The following ABCC9 variants were observed in gnomAD, a reference collection of about 807,000 sequenced individuals.
The protein encoded by ABCC9 is ATP-binding cassette sub-family C member 9.
ABCC9 carries 95 observed loss-of-function variants against 188.3 expected under a neutral mutation model. That is an observed-to-expected ratio of 0.50 (90% confidence interval 0.43 to 0.60). The LOEUF (loss-of-function observed/expected upper bound fraction) is 0.60. Ranked by LOEUF, ABCC9 falls within the 20% of genes least tolerant of loss-of-function variation. The probability of loss-of-function intolerance (pLI) is 0.00; values close to 1 mark genes in which losing one functional copy is unlikely to be tolerated. For missense variants in ABCC9, 1,102 were observed against 1,876.3 expected (o/e 0.59, Z 7.62); for synonymous variants, 659 against 652.7 (o/e 1.01, Z -0.15).
rs1376614454 is a variant in ABCC9 at position 21,807,522 on chromosome 12, A to G, written c.4316-43T>C. 3.1e-6 allele frequency: 5 copies of G among 1,612,688 alleles called. 1 individual carries two copies. Among genetic ancestry groups the G allele is most frequent in the South Asian group, 2.2e-5 (2 of 91,070 alleles). ...GCAAGGATTTCACTAAAGAAATGCT[A>G]CTAACATTTACCTTGGACAAAATCA... On this transcript the variant is annotated intron_variant, in intron 37 of 39. Transcript: ENST00000261200.
intron 31 of ABCC9, among the ~76,000 whole-genome samples, chr12:21,825,834 A>G (rs1943348525): frequency 1.3e-5 from 2 of 152,160 alleles, no homozygotes; most frequent in Non-Finnish European, 2.9e-5. Flanking sequence ...GGTTCGGAGA[A>G]CGTCCCAAAT....
At chr12:21,897,465 T>C (rs924268010) in intron 12 of ABCC9, among the ~76,000 whole-genome samples, 1 of 152,236 alleles carries the variant, frequency 6.6e-6, no homozygotes, top group South Asian at 2.1e-4. Flanking sequence ...TATGAAGCAC[T>C]TGACATAGTG....
At chr12:21,803,011 G>A (rs1941568805) in intron 39 of ABCC9, among the ~76,000 whole-genome samples, 1 of 151,948 alleles carries the variant, frequency 6.6e-6, no homozygotes, top group Non-Finnish European at 1.5e-5. Context: ...ATCATTCGCT[G>A]AATATTGGTA....
intron 31 of ABCC9, among the ~76,000 whole-genome samples, chr12:21,827,749 T>A (rs1206713990): frequency 1.3e-5 from 2 of 152,216 alleles, no homozygotes; most frequent in Non-Finnish European, 2.9e-5. Context: ...CACAGCTACC[T>A]GGAGGGAATT....
chr12:21,882,602 A>T (rs1051952815), intron 16 of ABCC9, among the ~76,000 whole-genome samples, 164 bp downstream of exon 16: 1 of 152,220 alleles, frequency 6.6e-6, no homozygotes, highest in Non-Finnish European at 1.5e-5. Flanking sequence ...GATGAGGAAG[A>T]ACTGACAATT....
intron 18 of ABCC9, among the ~76,000 whole-genome samples, chr12:21,870,316 G>A (rs1946007029): frequency 6.6e-6 from 1 of 151,806 alleles, no homozygotes; most frequent in Non-Finnish European, 1.5e-5. Context: ...GAGTGTGGTG[G>A]CACATTCACA....
intron 25 of ABCC9, among the ~76,000 whole-genome samples, chr12:21,847,851 T>C (rs1944762262): frequency 6.6e-6 from 1 of 152,196 alleles, no homozygotes; most frequent in Non-Finnish European, 1.5e-5. Flanking sequence ...TACTAGACAA[T>C]TTCAATTTTT....
At chr12:21,920,841 T>G (rs2137959091) in intron 5 of ABCC9, among the ~76,000 whole-genome samples, 1 of 152,192 alleles carries the variant, frequency 6.6e-6, no homozygotes. Context: ...TGTGCCTGTC[T>G]TATTTCACTT....
intron 39 of ABCC9, among the ~76,000 whole-genome samples, chr12:21,801,863 G>A (rs1565675755): frequency 6.6e-6 from 1 of 152,126 alleles, no homozygotes. Context: ...TCAGCTGTGG[G>A]TGTTATGTCT....
chr12:21,912,621 A>G (rs959252030), intron 8 of ABCC9, among the ~76,000 whole-genome samples: 3 of 152,122 alleles, frequency 2.0e-5, no homozygotes, highest in African/African-American at 7.2e-5. Flanking sequence ...CATACCGTAA[A>G]TGCTTGTTAA....
intron 9 of ABCC9, 49 bp downstream of exon 9, chr12:21,910,777 G>A: frequency 6.6e-7 from 1 of 1,521,118 alleles, no homozygotes; most frequent in Non-Finnish European, 9.1e-7. Context: ...TTCACTGAAT[G>A]GTATATAGCA....
chr12:21,814,223 C>T (rs1436031590), intron 35 of ABCC9, among the ~76,000 whole-genome samples: 1 of 152,152 alleles, frequency 6.6e-6, no homozygotes, highest in Non-Finnish European at 1.5e-5. Context: ...TGGTAAGAGT[C>T]ATGTACCAAA....
At chr12:21,906,042 A>G (rs1477015601) in intron 12 of ABCC9, 84 bp downstream of exon 12, 21 of 1,449,820 alleles carry the variant, frequency 1.4e-5, no homozygotes, top group Non-Finnish European at 2.0e-5. Context: ...AGAATGTTTC[A>G]TTGATCACAA....
rs575915841 is a variant in ABCC9, at chr12:21,857,280, T to A, written c.2505+2306A>T. 2.5e-3 allele frequency among the ~76,000 whole-genome samples: 381 copies of A among 152,240 alleles called. 1 individual carries two copies. Among genetic ancestry groups the A allele is most frequent in the Non-Finnish European group, 4.2e-3 (285 of 68,012 alleles). Reference sequence around the variant, plus strand: ...AAAGTTATACAAAATATGTTATTTGTGGAAGAATTGAAAATACTATGCTTG... The same window carrying A: ...AAAGTTATACAAAATATGTTATTTGAGGAAGAATTGAAAATACTATGCTTG... On this transcript the variant is annotated intron_variant, in intron 22 of 39. Coordinates refer to ENST00000261200, the MANE Select transcript of ABCC9 (RefSeq NM_020297.4).
In ABCC9 at chr12:21,910,890, G is replaced by A; in HGVS notation, c.1100C>T (p.Thr367Ile). 6.2e-7 allele frequency: 1 copy of A among 1,612,466 alleles called. No individual in the cohort carries two copies. The highest frequency in any genetic ancestry group is 1.1e-5 in the South Asian group (1 of 91,044). Residue 367 changes from threonine (T) to isoleucine (I), a missense_variant, in exon 9 of 40, where the codon ACA (threonine) becomes ATA (isoleucine). By Grantham distance (89) the Thr-to-Ile change is moderately conservative. Transcript: ENST00000261200. ...LLFLALILQR[T>I]FLQASYYVTI... ...TACATAGTAGGAAGCCTGCAAAAAT[G>A]TCCTTTGCAGAATAAGAGCCAAGAA...
intron 5 of ABCC9, among the ~76,000 whole-genome samples, chr12:21,921,903 A>T (rs576193250): frequency 6.6e-6 from 1 of 151,734 alleles, no homozygotes; most frequent in Admixed American, 6.6e-5. Context: ...TTATCTCTGG[A>T]TTCTATATTC....
At chr12:21,828,933 T>G (rs767406946) in intron 31 of ABCC9, 25 bp downstream of exon 31, 43 of 1,595,282 alleles carry the variant, frequency 2.7e-5, no homozygotes, top group Non-Finnish European at 3.6e-5. Flanking sequence ...TTGGTTTCCA[T>G]TTCGAAATCA....
intron 35 of ABCC9, among the ~76,000 whole-genome samples, chr12:21,812,641 T>C (rs898886591): frequency 1.3e-5 from 2 of 151,618 alleles, no homozygotes; most frequent in African/African-American, 2.4e-5. Flanking sequence ...TAAGTGGGAG[T>C]TGAACAATGA....
At position 21,803,449 on chromosome 12, in the gene ABCC9, G is replaced by A. The variant is rs112176156; in HGVS notation, c.4513-2268C>T. ...GAGGCGGGCGGATCACAAGGTCAGG[G>A]GTTCAAGACCAGCCTGACCAAAATG... On this transcript the variant is annotated intron_variant, in intron 39 of 39. Coordinates refer to ENST00000261200, the MANE Select transcript of ABCC9 (RefSeq NM_020297.4). 2.4e-3 allele frequency among the ~76,000 whole-genome samples: 361 copies of A among 151,750 alleles called. 3 individuals are homozygous for A. Among genetic ancestry groups the A allele is most frequent in the African/African-American group, 8.3e-3 (343 of 41,380 alleles).
Sources: gnomAD v4.1 joint callset for allele counts (sites outside exome capture counted in the v4.1 genomes callset) on GRCh38, gnomAD v4.1.1 for gene constraint, MANE v1.5 for transcripts, NCBI Gene and HGNC (gene_info 2026-07-23, HGNC 2026-07-21) for gene names.